F11: variants seen among roughly 807,000 people sequenced by gnomAD.
The protein encoded by F11 is coagualtion factor XI.
F11 carries 78 observed loss-of-function variants against 76.5 expected under a neutral mutation model. That is an observed-to-expected ratio of 1.02 (90% CI 0.85 to 1.23). The LOEUF (loss-of-function observed/expected upper bound fraction) is 1.23. Ranked by LOEUF, F11 falls within the 50% of genes most tolerant of loss-of-function variation. The probability of loss-of-function intolerance (pLI) is 0.00; values close to 1 mark genes in which losing one functional copy is unlikely to be tolerated. For missense variants in F11, 742 were observed against 771.4 expected (o/e 0.96, Z 0.45); for synonymous variants, 278 against 276.3 (o/e 1.01, Z -0.06).
intron 3 of F11, among the ~76,000 whole-genome samples, chr4:186,272,086 C>T (rs141183723): frequency 4.1e-4 from 62 of 151,840 alleles, no homozygotes; most frequent in African/African-American, 1.4e-3. Flanking sequence ...TAATTTTTGT[C>T]GTGCTTCTCA....
chr4:186,279,694 G>A (rs147784490), intron 7 of F11, among the ~76,000 whole-genome samples: 2 of 152,296 alleles, frequency 1.3e-5, no homozygotes, highest in East Asian at 3.9e-4. Flanking sequence ...GAAGACTCTT[G>A]AATCTTTAAG....
In F11 at chr4:186,280,299, C is replaced by T. The variant is rs147592940; in HGVS notation, c.942C>T (p.His314=). The change falls in exon 9 of 15, where the codon CAC becomes CAT. Residue 314 remains histidine (H), a synonymous_variant. Transcript: ENST00000403665. ...TGGATATTGTTGCTGCAAAAAGTCA[C>T]GAGGCCTGCCAGAAACTGTGCACCA... is the stretch of plus-strand genomic sequence containing the variant. ...EELDIVAAKS[H]EACQKLCTNA... is the part of the protein sequence containing the mutation. The T allele has an allele frequency of 3.3e-5, 53 of 1,614,140 alleles. 1 individual carries two copies. Among genetic ancestry groups the T allele is most frequent in the Middle Eastern group, 3.3e-4 (2 of 6,062 alleles).
At chr4:186,266,505 C>T (rs989056239) in intron 1 of F11, among the ~76,000 whole-genome samples, 10 of 152,212 alleles carry the variant, frequency 6.6e-5, no homozygotes, top group African/African-American at 2.4e-4. Context: ...ACAGTGTCTA[C>T]TCAGTAACAA....
At chr4:186,277,384 C>A (rs1271818829) in intron 7 of F11, among the ~76,000 whole-genome samples, 1 of 152,054 alleles carries the variant, frequency 6.6e-6, no homozygotes, top group African/African-American at 2.4e-5. Context: ...GTGTAGGTAT[C>A]TTTGTGACAT....
At chr4:186,267,086 A>G (rs369655255) in intron 1 of F11, 50 bp from the exon 2 acceptor site, 2 of 1,241,502 alleles carry the variant, frequency 1.6e-6, no homozygotes, top group African/African-American at 1.5e-5. Context: ...TAAACTAATT[A>G]TAAATTTACA....
chr4:186,280,711 A>G, intron 10 of F11, 131 bp downstream of exon 10: 2 of 803,460 alleles, frequency 2.5e-6, no homozygotes, highest in East Asian at 2.7e-5. Flanking sequence ...GCAATTTTCT[A>G]TTATTTTCAC....
At chr4:186,272,866 G>A (rs907642348) in intron 3 of F11, 4 of 510,332 alleles carry the variant, frequency 7.8e-6, no homozygotes, top group Non-Finnish European at 1.4e-5. Flanking sequence ...GTTCCTATTA[G>A]AAAGGAGTAT....
intron 10 of F11, among the ~76,000 whole-genome samples, chr4:186,280,792 A>T (rs1740739637): frequency 6.6e-6 from 1 of 151,680 alleles, no homozygotes; most frequent in Non-Finnish European, 1.5e-5. Flanking sequence ...ATTGCCTAGT[A>T]TTAACTAAAT....
intron 11 of F11, 90 bp from the exon 12 acceptor site, chr4:186,285,548 T>C: frequency 7.6e-7 from 1 of 1,314,332 alleles, no homozygotes; most frequent in Non-Finnish European, 1.1e-6. Flanking sequence ...CAGAAAATAT[T>C]AGTAATAATT....
chr4:186,271,538 T>G (rs971053730), intron 2 of F11, 71 bp from the exon 3 acceptor site: 2,628 of 1,542,640 alleles, frequency 1.7e-3, no homozygotes, highest in Non-Finnish European at 2.1e-3. Context: ...CTTGCCTTTA[T>G]GAGATTACCA....
chr4:186,285,532 C>T, intron 11 of F11, 106 bp from the exon 12 acceptor site: 1 of 1,184,934 alleles, frequency 8.4e-7, no homozygotes, highest in Non-Finnish European at 1.2e-6. Flanking sequence ...AAATGTCCAT[C>T]ATTGGCAGAA....
chr4:186,275,157 T>C (rs1740266925), intron 5 of F11: 1 of 456,878 alleles, frequency 2.2e-6, no homozygotes. Context: ...AGACAAGAAA[T>C]TGGAGGTTTC....
chr4:186,287,967 C>T (rs1019341416), intron 14 of F11, 144 bp downstream of exon 14: 54 of 900,140 alleles, frequency 6.0e-5, no homozygotes, highest in African/African-American at 5.1e-4. Flanking sequence ...TGCAGTGGCT[C>T]GATCTCAGCT....
At chr4:186,275,670 A>C (rs917686914) in intron 5 of F11, 117 bp from the exon 6 acceptor site, 1 of 741,428 alleles carries the variant, frequency 1.3e-6, no homozygotes, top group African/African-American at 1.7e-5. Flanking sequence ...AGCCTCCCAG[A>C]TGGATGCTTC....
Position 186,287,714 on chromosome 4 carries a change from A to T in F11, c.1607A>T (p.Lys536Met). The change falls in exon 14 of 15, where the codon AAG (lysine) becomes ATG (methionine). Residue 536 changes from lysine (K) to methionine (M), a missense_variant. By Grantham distance (95) the Lys-to-Met change is moderately conservative (BLOSUM62 -1). Transcript: ENST00000403665. ...DKIQNTLQKA[K>M]IPLVTNEECQ... Reference sequence around the variant, plus strand: ...ATACAAAATACTCTCCAGAAAGCCAAGATACCCTTAGTGACCAACGAAGAG... The same window carrying T: ...ATACAAAATACTCTCCAGAAAGCCATGATACCCTTAGTGACCAACGAAGAG... 1.2e-6 allele frequency: 2 copies of T among 1,613,542 alleles called. No homozygotes were observed. Among genetic ancestry groups the T allele is most frequent in the Non-Finnish European group, 1.7e-6 (2 of 1,179,668 alleles).
chr4:186,286,500 A>G lies in F11; in HGVS notation c.1566A>G (p.Arg522=). 3 of 1,613,868 alleles carry G rather than the reference A, an allele frequency of 1.9e-6. No individual in the cohort carries two copies. Among genetic ancestry groups the G allele is most frequent in the Non-Finnish European group, 2.5e-6 (3 of 1,179,814 alleles). ...GCTGGGTGACTGGATGGGGGTACAG[A>G]AAACTAAGAGGTAAAAATGATGTTG... is the stretch of plus-strand genomic sequence containing the variant. ...TDCWVTGWGY[R]KLRDKIQNTL... Residue 522 remains arginine (R), a synonymous_variant, in exon 13 of 15, where the codon AGA becomes AGG. Coordinates refer to ENST00000403665, the MANE Select transcript of F11 (RefSeq NM_000128.4).
intron 10 of F11, among the ~76,000 whole-genome samples, chr4:186,281,469 A>T (rs928647251): frequency 5.3e-5 from 8 of 152,206 alleles, no homozygotes; most frequent in Admixed American, 1.3e-4. Context: ...CTGTAATAAC[A>T]TAAAAGTTAC....
In F11 at chr4:186,289,025, CAGTCTT is replaced by C; in HGVS notation, c.*412_*417del. On this transcript the variant is annotated 3_prime_UTR_variant, in exon 15 of 15. Transcript: ENST00000403665. Reference sequence around the variant, plus strand: ...AAACTGGAAGAAAGGAGAACAAAGACAGTCTTCACCATTTTGCAGGAATCTACACTC... The same window carrying C: ...AAACTGGAAGAAAGGAGAACAAAGACCACCATTTTGCAGGAATCTACACTC... The C allele has an allele frequency of 2.8e-5, 6 of 213,428 alleles. No individual in the cohort carries two copies. Among genetic ancestry groups the C allele is most frequent in the Non-Finnish European group, 3.8e-5 (4 of 105,222 alleles). The allele number at this position is 213,428 out of a possible 1,614,324, so 13.2% of individuals were successfully genotyped here.
Position 186,267,193 on chromosome 4 carries a change from TA to T in F11, c.55+4del. 1 of 1,540,118 alleles carries T rather than the reference TA, an allele frequency of 6.5e-7. No individual in the cohort carries two copies. Among genetic ancestry groups the T allele is most frequent in the Non-Finnish European group, 9.0e-7 (1 of 1,112,446 alleles). Reference sequence around the variant, plus strand: ...TTTTATTTACTTCAGTTTCTGGTGGTAAGTAGAGTGTTATCTTAACTATGGG... The same window carrying T: ...TTTTATTTACTTCAGTTTCTGGTGGTAGTAGAGTGTTATCTTAACTATGGG... On this transcript the variant is annotated splice_donor_region_variant and intron_variant, in intron 2 of 14. Coordinates refer to ENST00000403665, the MANE Select transcript of F11 (RefSeq NM_000128.4).
Sources: allele counts gnomAD v4.1 joint callset (sites outside exome capture counted in the v4.1 genomes callset), GRCh38; gene constraint gnomAD v4.1.1; transcripts MANE v1.5; gene names NCBI Gene and HGNC (gene_info 2026-07-23, HGNC 2026-07-21).